AKAP6: variants seen among roughly 807,000 people sequenced by gnomAD.
AKAP6 encodes the protein A-kinase anchoring protein 6.
A neutral mutation model predicts 188.5 loss-of-function variants in AKAP6; 58 were observed. The observed-to-expected ratio is 0.31, with a 90% CI of 0.25 to 0.38. The LOEUF is 0.38. Ranked by LOEUF, AKAP6 falls within the 10% of genes least tolerant of loss-of-function variation. The probability of loss-of-function intolerance (pLI) is 1.00; values close to 1 mark genes in which losing one functional copy is unlikely to be tolerated. For missense variants in AKAP6, 2,710 were observed against 2,740.0 expected (o/e 0.99, Z 0.24); for synonymous variants, 989 against 998.6 (o/e 0.99, Z 0.18).
chr14:32,613,501 G>C (rs1380278228), intron 7 of AKAP6, among the ~76,000 whole-genome samples: 1 of 152,150 alleles, frequency 6.6e-6, no homozygotes, highest in East Asian at 1.9e-4. Context: ...AAACTCCTCT[G>C]TCTCATTTCT....
chr14:32,612,207 T>C (rs1886375611), intron 7 of AKAP6, among the ~76,000 whole-genome samples: 1 of 152,188 alleles, frequency 6.6e-6, no homozygotes, highest in Non-Finnish European at 1.5e-5. Flanking sequence ...ACCAGTTTCA[T>C]CGTGGTTTTG....
At chr14:32,376,715 T>G (rs1888167186) in intron 1 of AKAP6, among the ~76,000 whole-genome samples, 1 of 152,174 alleles carries the variant, frequency 6.6e-6, no homozygotes, top group South Asian at 2.1e-4. Flanking sequence ...TTTTCTTTTT[T>G]TGACAGAGTA....
chr14:32,702,407 CT>C lies in AKAP6; in HGVS notation c.3000+6307del, dbSNP rs377225591. Among the ~76,000 whole-genome samples, 942 of 146,074 alleles carry C rather than the reference CT, an allele frequency of 6.4e-3. 13 individuals are homozygous for C. Among genetic ancestry groups the C allele is most frequent in the East Asian group, 0.054 (273 of 5,018 alleles). ...TGAATACTTGAATATATTTTTTTTC[CT>C]TTTTTTTTTCTTTTTTTGAGAGAGG... On this transcript the variant is annotated intron_variant, in intron 9 of 13. Transcript: ENST00000280979.
chr14:32,498,909 A>G (rs1880463084), intron 2 of AKAP6, among the ~76,000 whole-genome samples: 1 of 151,996 alleles, frequency 6.6e-6, no homozygotes, highest in Admixed American at 6.6e-5. Context: ...GAGAAACTTC[A>G]CTTACCTTGT....
In AKAP6 at chr14:32,433,601, G is replaced by C. The variant is rs1890288553; in HGVS notation, c.108G>C (p.Gln36His). The change falls in exon 2 of 14, where the codon CAG (glutamine) becomes CAC (histidine). Residue 36 changes from glutamine (Q) to histidine (H), a missense_variant. By Grantham distance (24) the Gln-to-His change is conservative. Coordinates refer to ENST00000280979, the MANE Select transcript of AKAP6 (RefSeq NM_004274.5). ...TCAACATGACACCCACTGTGGAGCA[G>C]GGTGAGGGAGAAGAGGCAATGAAGG... ...MAINMTPTVE[Q>H]GEGEEAMKDM... The C allele has an allele frequency of 6.2e-7, 1 of 1,614,068 alleles. No homozygotes were observed. The highest frequency in any genetic ancestry group is 1.1e-5 in the South Asian group (1 of 91,080).
At chr14:32,744,819 T>G (rs1566681760) in intron 11 of AKAP6, among the ~76,000 whole-genome samples, 1 of 152,104 alleles carries the variant, frequency 6.6e-6, no homozygotes, top group African/African-American at 2.4e-5. Flanking sequence ...TTCTGTTGTC[T>G]CCTCTGACTG....
In AKAP6 at chr14:32,678,306, T is replaced by A. The variant is rs375225268; in HGVS notation, c.2731-5T>A. 3 of 1,605,118 alleles carry A rather than the reference T, an allele frequency of 1.9e-6. No homozygotes were observed. The highest frequency in any genetic ancestry group is 2.6e-6 in the Non-Finnish European group (3 of 1,173,318). On this transcript the variant is annotated splice_polypyrimidine_tract_variant and splice_region_variant and intron_variant, in intron 7 of 13. Transcript: ENST00000280979. ...ACAGCAATTTCTCTTTGTTTCTCTT[T>A]CCAGGCTGAGGTTCAACTATGCTAC...
At chr14:32,386,692 T>C (rs1465085256) in intron 1 of AKAP6, among the ~76,000 whole-genome samples, 1 of 152,180 alleles carries the variant, frequency 6.6e-6, no homozygotes, top group Non-Finnish European at 1.5e-5. Context: ...AGCCAATGTC[T>C]AGAAGGGTTT....
chr14:32,761,875 G>A (rs924668566), intron 11 of AKAP6, among the ~76,000 whole-genome samples: 1 of 152,014 alleles, frequency 6.6e-6, no homozygotes, highest in Non-Finnish European at 1.5e-5. Flanking sequence ...ATGATTTCAG[G>A]TAGCTAGGAT....
intron 7 of AKAP6, among the ~76,000 whole-genome samples, chr14:32,629,365 C>A (rs1352724535): frequency 7.6e-6 from 1 of 132,158 alleles, no homozygotes; most frequent in Non-Finnish European, 1.5e-5. Flanking sequence ...AAACATCATG[C>A]ATCATAACAC....
chr14:32,647,372 G>A (rs1888027154), intron 7 of AKAP6, among the ~76,000 whole-genome samples: 1 of 152,020 alleles, frequency 6.6e-6, no homozygotes, highest in South Asian at 2.1e-4. Context: ...TTTCCATTTG[G>A]TAGATGAGAA....
intron 7 of AKAP6, among the ~76,000 whole-genome samples, chr14:32,609,129 CCTT>C (rs1886247655): frequency 6.6e-6 from 1 of 152,014 alleles, no homozygotes. Context: ...GTCATCTAGG[CCTT>C]CTTATTAAAT....
chr14:32,734,413 A>G (rs1025750083), intron 10 of AKAP6: 3 of 152,108 alleles, frequency 2.0e-5, no homozygotes, highest in Non-Finnish European at 4.4e-5. Context: ...CTCTGTCTCA[A>G]TTGCATATTA....
At chr14:32,738,919 CTACT>C (rs2031554888) in intron 11 of AKAP6, among the ~76,000 whole-genome samples, 1 of 152,062 alleles carries the variant, frequency 6.6e-6, no homozygotes, top group South Asian at 2.1e-4. Flanking sequence ...ATTTACAAAA[CTACT>C]TACAAAAGTA....
At chr14:32,620,241 C>T (rs527726334) in intron 7 of AKAP6, among the ~76,000 whole-genome samples, 19 of 152,068 alleles carry the variant, frequency 1.2e-4, no homozygotes, top group African/African-American at 4.6e-4. Flanking sequence ...TTGTCTTGCT[C>T]CAGTTCCCAG....
rs575543497 is a variant in AKAP6, at chr14:32,746,177, A to T, written c.3372+10295A>T. Among the ~76,000 whole-genome samples the T allele has an allele frequency of 1.1e-4, 16 of 152,174 alleles. No homozygotes were observed. The East Asian group carries it at 3.1e-3, about 30-fold the overall frequency. On this transcript the variant is annotated intron_variant, in intron 11 of 13. Transcript: ENST00000280979. ...ACTCTACCCCTCTGTAGCCAAGCTG[A>T]TATCTAAGATGCGAGACCAAGTCCT...
Position 32,822,672 on chromosome 14 carries a change from T to G in AKAP6, c.4859T>G (p.Val1620Gly). The change falls in exon 13 of 14, where the codon GTG becomes GGG. Residue 1620 changes from valine (V) to glycine (G), a missense_variant. By Grantham distance (109) the Val-to-Gly change is moderately radical (BLOSUM62 -3). Transcript: ENST00000280979. ...TGTCACAGCTCTGGGGATATAAGCG[T>G]GAGCAGTGGCTCAGTTGGTGAACTA... Reference protein sequence around the residue: ...FSCHSSGDISVSSGSVGELSK... With the variant: ...FSCHSSGDISGSSGSVGELSK... 6.2e-7 allele frequency: 1 copy of G among 1,614,022 alleles called. No homozygotes were observed. The highest frequency in any genetic ancestry group is 8.5e-7 in the Non-Finnish European group (1 of 1,179,944).
At position 32,717,611 on chromosome 14, in the gene AKAP6, C is replaced by A. The variant is rs574640276; in HGVS notation, c.3001-14843C>A. Among the ~76,000 whole-genome samples the A allele has an allele frequency of 1.0e-4, 13 of 129,748 alleles. No homozygotes were observed. In the East Asian group the frequency reaches 2.3e-3, roughly 23 times the overall value. 85.1% of individuals were successfully genotyped at this position (129,748 alleles called of 152,430 possible). A position where few individuals can be genotyped will look rare whatever the true frequency, so the allele number is the denominator to read the frequency against. On this transcript the variant is annotated intron_variant, in intron 9 of 13. Transcript: ENST00000280979. ...CTTTTATCACTCTTGTCTCTTATCA[C>A]ACACACACACACACACACACACACA...
intron 2 of AKAP6, among the ~76,000 whole-genome samples, chr14:32,464,906 CA>C (rs1172597837): frequency 6.6e-6 from 1 of 152,208 alleles, no homozygotes; most frequent in Non-Finnish European, 1.5e-5. Context: ...ACTCAGGATA[CA>C]AAATCAATGT....
Sources: allele counts gnomAD v4.1 joint callset (sites outside exome capture counted in the v4.1 genomes callset), GRCh38; gene constraint gnomAD v4.1.1; transcripts MANE v1.5; gene names NCBI Gene and HGNC (gene_info 2026-07-23, HGNC 2026-07-21).